ECT2L: variants seen among roughly 807,000 people sequenced by gnomAD.
ECT2L encodes the protein epithelial cell-transforming sequence 2 oncogene-like.
In ECT2L, 126 loss-of-function variants were observed where a neutral mutation model predicts 122.8. The ratio of observed to expected loss-of-function variants is 1.03; its 90% confidence interval spans 0.89 to 1.19. ECT2L has a LOEUF of 1.19. Ranked by LOEUF, ECT2L falls within the 50% of genes most tolerant of loss-of-function variation. The pLI, the probability that ECT2L is intolerant of heterozygous loss-of-function variation, is 0.00. For missense variants in ECT2L, 1,012 were observed against 1,064.1 expected (o/e 0.95, Z 0.68); for synonymous variants, 385 against 381.8 (o/e 1.01, Z -0.10).
At chr6:138,874,678 G>C (rs145012866) in intron 13 of ECT2L, among the ~76,000 whole-genome samples, 3 of 152,222 alleles carry the variant, frequency 2.0e-5, no homozygotes, top group Non-Finnish European at 2.9e-5. Context: ...GAGAAAGATG[G>C]CTCCCTTATC....
chr6:138,798,974 T>C (rs566032375), intron 1 of ECT2L, among the ~76,000 whole-genome samples: 3 of 152,336 alleles, frequency 2.0e-5, no homozygotes, highest in Admixed American at 1.3e-4. Flanking sequence ...TTTCTGTACC[T>C]AATTTCTGAT....
intron 20 of ECT2L, among the ~76,000 whole-genome samples, chr6:138,895,426 T>G (rs1779174892): frequency 6.6e-6 from 1 of 152,258 alleles, no homozygotes; most frequent in South Asian, 2.1e-4. Context: ...AGTCATAGAA[T>G]AAGTGCTGGT....
intron 10 of ECT2L, among the ~76,000 whole-genome samples, chr6:138,858,544 T>G (rs1756588761): frequency 6.6e-6 from 1 of 152,000 alleles, no homozygotes; most frequent in Non-Finnish European, 1.5e-5. Flanking sequence ...CATGAAACCA[T>G]AAGAAAAATC....
At chr6:138,839,253 TAAC>T (rs1776957871) in intron 5 of ECT2L, among the ~76,000 whole-genome samples, 1 of 152,226 alleles carries the variant, frequency 6.6e-6, no homozygotes, top group South Asian at 2.1e-4. Flanking sequence ...TGAAAGCAGT[TAAC>T]AGCAGCAGCT....
At chr6:138,879,022 G>A (rs895026778) in intron 14 of ECT2L, 12 of 164,154 alleles carry the variant, frequency 7.3e-5, no homozygotes, top group South Asian at 1.5e-4. Context: ...AGCCTCTGGC[G>A]TAAAATAGCA....
chr6:138,887,761 C>T (rs1778877223), intron 19 of ECT2L, among the ~76,000 whole-genome samples: 1 of 152,176 alleles, frequency 6.6e-6, no homozygotes, highest in Admixed American at 6.5e-5. Flanking sequence ...GTGCTTTGTG[C>T]ATACTCTTTC....
At chr6:138,863,615 CT>C (rs113243740) in intron 11 of ECT2L, among the ~76,000 whole-genome samples, 249 of 143,704 alleles carry the variant, frequency 1.7e-3, no homozygotes, top group Middle Eastern at 3.5e-3. Context: ...GGTTTTCTTT[CT>C]TTTTTTTTTT....
chr6:138,879,394 G>C (rs1778572687), intron 14 of ECT2L: 1 of 152,676 alleles, frequency 6.5e-6, no homozygotes, highest in Admixed American at 6.5e-5. Flanking sequence ...TTTATTGGGG[G>C]CAGTGTGGGG....
In ECT2L at chr6:138,857,099, A is replaced by T. The variant is rs370948996; in HGVS notation, c.1198+2945A>T. 1.8e-4 allele frequency among the ~76,000 whole-genome samples: 28 copies of T among 152,288 alleles called. No individual in the cohort carries two copies. In the East Asian group the frequency reaches 2.5e-3, roughly 14 times the overall value. Reference sequence around the variant, plus strand: ...AAACAAGATCAGATACTGCACTTGGAATCTAGCCCGTTGCCTTTCATCTTC... The same window carrying T: ...AAACAAGATCAGATACTGCACTTGGTATCTAGCCCGTTGCCTTTCATCTTC... On this transcript the variant is annotated intron_variant, in intron 10 of 21. Coordinates refer to ENST00000541398, the MANE Select transcript of ECT2L (RefSeq NM_001077706.3).
At chr6:138,866,274 A>C (rs1166014366) in intron 12 of ECT2L, among the ~76,000 whole-genome samples, 1 of 151,456 alleles carries the variant, frequency 6.6e-6, no homozygotes, top group Non-Finnish European at 1.5e-5. Context: ...CAGCCTCCTG[A>C]GTAGCTGGGA....
chr6:138,853,092 T>C (rs1191268531), intron 9 of ECT2L, among the ~76,000 whole-genome samples: 1 of 152,058 alleles, frequency 6.6e-6, no homozygotes, highest in African/African-American at 2.4e-5. Context: ...CTCAGCCTCC[T>C]GAGTACCTGG....
intron 20 of ECT2L, among the ~76,000 whole-genome samples, chr6:138,892,083 A>C (rs188501032): frequency 2.0e-5 from 3 of 152,104 alleles, no homozygotes; most frequent in Admixed American, 6.5e-5. Context: ...TGCCTTTTGT[A>C]ACTGTCCCTA....
intron 10 of ECT2L, among the ~76,000 whole-genome samples, chr6:138,855,345 T>G (rs1777577640): frequency 6.6e-6 from 1 of 151,864 alleles, no homozygotes; most frequent in Non-Finnish European, 1.5e-5. Context: ...CCATCTCTAC[T>G]AAAAATAGAA....
intron 20 of ECT2L, among the ~76,000 whole-genome samples, chr6:138,896,926 G>A (rs1779238350): frequency 6.6e-6 from 1 of 152,154 alleles, no homozygotes; most frequent in African/African-American, 2.4e-5. Context: ...GATTACAGGT[G>A]TGAGCCACCG....
intron 6 of ECT2L, among the ~76,000 whole-genome samples, chr6:138,843,730 C>T (rs546237904): frequency 1.3e-5 from 2 of 152,306 alleles, no homozygotes; most frequent in South Asian, 4.1e-4. Flanking sequence ...GTCTCACTGT[C>T]ACCCAGGCTG....
At chr6:138,841,295 G>A (rs1029344492) in intron 5 of ECT2L, among the ~76,000 whole-genome samples, 9 of 152,162 alleles carry the variant, frequency 5.9e-5, no homozygotes, top group African/African-American at 2.2e-4. Context: ...AATTTTCATT[G>A]AGTACCAGAT....
At chr6:138,824,541 T>TAAAAAAAAAAAAACAAAAAAAAAAA (rs1776366754) in intron 4 of ECT2L, among the ~76,000 whole-genome samples, 1 of 121,310 alleles carries the variant, frequency 8.2e-6, no homozygotes, top group Admixed American at 8.9e-5. Flanking sequence ...AAAAAAGCAA[T>TAAAAAAAAAAAAACAAAAAAAAAAA]AAAAAAAAAA....
intron 9 of ECT2L, among the ~76,000 whole-genome samples, chr6:138,852,567 G>A (rs1777486948): frequency 1.3e-5 from 2 of 152,146 alleles, no homozygotes; most frequent in African/African-American, 2.4e-5. Flanking sequence ...TGAGACACCC[G>A]TCAAATTGCC....
chr6:138,797,129 A>G (rs545579188), intron 1 of ECT2L, among the ~76,000 whole-genome samples: 1 of 152,304 alleles, frequency 6.6e-6, no homozygotes, highest in South Asian at 2.1e-4. Context: ...AAAACACGCC[A>G]TTATTTTCAT....
Sources: allele counts gnomAD v4.1 joint callset (sites outside exome capture counted in the v4.1 genomes callset), GRCh38; gene constraint gnomAD v4.1.1; transcripts MANE v1.5; gene names NCBI Gene and HGNC (gene_info 2026-07-23, HGNC 2026-07-21).